FAM53A: variants seen among roughly 807,000 people sequenced by gnomAD.
FAM53A encodes the protein family with sequence similarity 53 member A.
A neutral mutation model predicts 26.6 loss-of-function variants in FAM53A; 28 were observed. That is an observed-to-expected ratio of 1.05 (90% CI 0.78 to 1.45). FAM53A has a LOEUF of 1.45. FAM53A is among the 40% of genes most tolerant of loss of function. FAM53A has a pLI of 0.00. For synonymous variants in FAM53A, 290 were observed against 253.1 expected, an observed-to-expected ratio of 1.15 and a Z score of -1.38; for missense variants, 650 against 575.8, an observed-to-expected ratio of 1.13 and a Z score of -1.32.
chr4:1,657,505 A>G (rs1441974126), intron 2 of FAM53A, 37 bp from the exon 3 acceptor site: 5 of 1,588,860 alleles, frequency 3.1e-6, no homozygotes, highest in Admixed American at 1.7e-5. Context: ...TGTGACTGAC[A>G]CGTGAGAATT....
intron 1 of FAM53A, among the ~76,000 whole-genome samples, chr4:1,624,443 C>T (rs555425484): frequency 2.9e-4 from 44 of 152,246 alleles, no homozygotes; most frequent in African/African-American, 9.4e-4. Context: ...TGTGACAGTG[C>T]GGAGGCTGAC....
chr4:1,643,262 C>T (rs575959656), intron 4 of FAM53A, among the ~76,000 whole-genome samples: 16 of 152,008 alleles, frequency 1.1e-4, no homozygotes, highest in East Asian at 1.9e-4. Context: ...GTCAGGAGAT[C>T]AAGACCATCC....
intron 1 of FAM53A, among the ~76,000 whole-genome samples, chr4:1,633,947 A>C (rs879418536): frequency 3.3e-5 from 5 of 152,220 alleles, no homozygotes; most frequent in Admixed American, 1.3e-4. Context: ...GCACCAACGC[A>C]GAACCCACCA....
the FAM53A span, among the ~76,000 whole-genome samples, chr4:1,605,046 G>A: frequency 0.013 from 1,922 of 152,160 alleles, 36 homozygotes; most frequent in African/African-American, 0.043. The surrounding 1 kb of genome is among the most constrained non-coding windows in gnomAD (Gnocchi z 5.7). Flanking sequence ...CCCTGCTCCC[G>A]CCACCTGCAG....
chr4:1,630,026 G>A lies in FAM53A; in HGVS notation c.432-11915C>T, dbSNP rs188405149. ...TGCTCCCTTCCTCATCCTTCCCCAT[G>A]TCCCCCTGCTTCCCCCTCCGCCCAG... On this transcript the variant is annotated intron_variant, in intron 1 of 1. Transcript: ENST00000489029. The surrounding 1 kb of genome is among the most constrained non-coding windows in gnomAD (Gnocchi z 4.3). 1.3e-5 allele frequency among the ~76,000 whole-genome samples: 2 copies of A among 152,122 alleles called. No individual in the cohort carries two copies. The highest frequency in any genetic ancestry group is 2.9e-5 in the Non-Finnish European group (2 of 67,968).
chr4:1,601,232 T>TGGGC, the FAM53A span, among the ~76,000 whole-genome samples: 1 of 133,940 alleles, frequency 7.5e-6, no homozygotes, highest in Non-Finnish European at 1.7e-5. Context: ...CCGCAACAGG[T>TGGGC]CGGACACCCA....
downstream of FAM53A, among the ~76,000 whole-genome samples, chr4:1,639,442 G>A (rs577259952): frequency 4.9e-4 from 74 of 152,156 alleles, 1 homozygote; most frequent in Non-Finnish European, 8.2e-4. Context: ...TTCACACGAG[G>A]CCAGGGGTGG....
chr4:1,579,394 G>A, the FAM53A span, among the ~76,000 whole-genome samples: 3 of 151,706 alleles, frequency 2.0e-5, no homozygotes, highest in Non-Finnish European at 4.4e-5. Context: ...CATGGGGACC[G>A]GCATGTCAAG....
chr4:1,633,237 T>C (rs573686851), intron 1 of FAM53A, among the ~76,000 whole-genome samples: 2 of 152,362 alleles, frequency 1.3e-5, no homozygotes, highest in East Asian at 3.9e-4. Flanking sequence ...ACAGGCTTCA[T>C]TATTTAAACC....
At chr4:1,645,987 A>G (rs925047873) in intron 4 of FAM53A, among the ~76,000 whole-genome samples, 1 of 152,038 alleles carries the variant, frequency 6.6e-6, no homozygotes, top group African/African-American at 2.4e-5. Flanking sequence ...CGCGTCCTCT[A>G]TCTCCTCCGC....
chr4:1,584,014 C>T, the FAM53A span, among the ~76,000 whole-genome samples: 1 of 152,202 alleles, frequency 6.6e-6, no homozygotes, highest in Non-Finnish European at 1.5e-5. Context: ...GTCTCTGCCC[C>T]TTTTTCTTTT....
chr4:1,679,597 A>G (rs1041235542), intron 1 of FAM53A, among the ~76,000 whole-genome samples: 1 of 148,188 alleles, frequency 6.7e-6, no homozygotes, highest in African/African-American at 2.5e-5. Flanking sequence ...GAGGCAGGAG[A>G]ATCCCTTGAA....
At chr4:1,654,070 C>G (rs1713106320) in intron 4 of FAM53A, among the ~76,000 whole-genome samples, 1 of 152,232 alleles carries the variant, frequency 6.6e-6, no homozygotes, top group Admixed American at 6.5e-5. Context: ...GCCAAGGCCA[C>G]AGGTCATTGA....
chr4:1,674,527 G>A (rs1560206172), intron 1 of FAM53A, among the ~76,000 whole-genome samples: 1 of 152,076 alleles, frequency 6.6e-6, no homozygotes, highest in Non-Finnish European at 1.5e-5. Context: ...AAATTAGCTG[G>A]GTGTGGTGGC....
At position 1,641,271 on chromosome 4, in the gene FAM53A, C is replaced by T. The variant is rs1344069423; in HGVS notation, c.*22G>A. ...GGGCAGGTGCAGGCGGCAGCCATGG[C>T]CCCGACCAGCCCCCACCAGCCTCAG... On this transcript the variant is annotated 3_prime_UTR_variant, in exon 5 of 5. Coordinates refer to ENST00000308132, the MANE Select transcript of FAM53A (RefSeq NM_001174070.3). 6.2e-7 allele frequency: 1 copy of T among 1,612,000 alleles called. No individual in the cohort carries two copies. Among genetic ancestry groups the T allele is most frequent in the Non-Finnish European group, 8.5e-7 (1 of 1,179,622 alleles).
chr4:1,598,242 G>A, the FAM53A span, among the ~76,000 whole-genome samples: 1 of 152,238 alleles, frequency 6.6e-6, no homozygotes, highest in Non-Finnish European at 1.5e-5. Context: ...CCTGGGCGGT[G>A]GGGAAGGCAC....
the FAM53A span, among the ~76,000 whole-genome samples, chr4:1,612,812 C>T: frequency 3.9e-5 from 6 of 152,332 alleles, no homozygotes; most frequent in East Asian, 5.8e-4. Flanking sequence ...AATGTGGGTG[C>T]TTGCATGCTC....
the FAM53A span, among the ~76,000 whole-genome samples, chr4:1,601,108 AG>A: frequency 6.6e-6 from 1 of 151,994 alleles, no homozygotes; most frequent in Non-Finnish European, 1.5e-5. Context: ...GCCACAGTGG[AG>A]GTGGGGGTGG....
the FAM53A span, among the ~76,000 whole-genome samples, chr4:1,594,480 GTCA>G: frequency 1.3e-5 from 2 of 152,162 alleles, no homozygotes; most frequent in African/African-American, 4.8e-5. Context: ...GGGTATTACT[GTCA>G]TCATGATTAT....
Sources: allele counts gnomAD v4.1 joint callset (sites outside exome capture counted in the v4.1 genomes callset), GRCh38; gene constraint gnomAD v4.1.1; non-coding constraint Gnocchi (gnomAD v3.1); transcripts MANE v1.5; gene names NCBI Gene and HGNC (gene_info 2026-07-23, HGNC 2026-07-21).